Variants in SLC39A9 observed in about 807,000 individuals in gnomAD.
SLC39A9 encodes solute carrier family 39 member 9, also known as zinc transporter ZIP9.
A neutral mutation model predicts 28.4 loss-of-function variants in SLC39A9; 14 were observed. That is an observed-to-expected ratio of 0.49 (90% CI 0.33 to 0.77). SLC39A9 has a LOEUF of 0.77. SLC39A9 is among the 30% of genes least tolerant of loss of function. SLC39A9 has a pLI of 0.02. For synonymous variants in SLC39A9, 119 were observed against 149.6 expected (o/e 0.80, Z 1.49); for missense variants, 283 against 381.1 (o/e 0.74, Z 2.14).
intron 1 of SLC39A9, among the ~76,000 whole-genome samples, chr14:69,420,880 G>A (rs1037007368): frequency 9.2e-5 from 14 of 152,114 alleles, no homozygotes; most frequent in African/African-American, 2.7e-4. Flanking sequence ...GTTTATTCTC[G>A]TTAGCCATGC....
chr14:69,440,359 G>A (rs1467193682), intron 2 of SLC39A9, among the ~76,000 whole-genome samples: 17 of 152,050 alleles, frequency 1.1e-4, no homozygotes, highest in Admixed American at 8.5e-4. Context: ...CAAGGTGGGC[G>A]GATCACTTGA....
intron 1 of SLC39A9, among the ~76,000 whole-genome samples, chr14:69,406,851 T>TG (rs1882940850): frequency 7.4e-6 from 1 of 134,382 alleles, no homozygotes; most frequent in African/African-American, 2.8e-5. Flanking sequence ...ATTCTTTGTT[T>TG]TTTTTTTTTT....
intron 1 of SLC39A9, among the ~76,000 whole-genome samples, chr14:69,421,157 G>T (rs1235506559): frequency 2.0e-5 from 3 of 152,190 alleles, no homozygotes; most frequent in Non-Finnish European, 4.4e-5. Flanking sequence ...TTTGATGATG[G>T]TCACCTACAG....
At chr14:69,440,873 C>T (rs1420118080) in intron 2 of SLC39A9, among the ~76,000 whole-genome samples, 2 of 152,140 alleles carry the variant, frequency 1.3e-5, no homozygotes, top group Non-Finnish European at 2.9e-5. Context: ...GGGGATTCAC[C>T]ATGTTGGCCT....
intron 1 of SLC39A9, among the ~76,000 whole-genome samples, chr14:69,413,616 A>G (rs1464955314): frequency 6.6e-6 from 1 of 152,114 alleles, no homozygotes; most frequent in African/African-American, 2.4e-5. Flanking sequence ...CTGTCAATAG[A>G]GAAGAATTAC....
chr14:69,430,628 C>CTTTTTTTTTTTTTTTTTTTTTTTTT, intron 2 of SLC39A9, among the ~76,000 whole-genome samples: 1 of 137,746 alleles, frequency 7.3e-6, no homozygotes, highest in Non-Finnish European at 1.5e-5. Context: ...ATTTTTCTTT[C>CTTTTTTTTTTTTTTTTTTTTTTTTT]TTTTTTTTTT....
intron 2 of SLC39A9, among the ~76,000 whole-genome samples, chr14:69,432,775 A>G (rs1011879417): frequency 6.6e-6 from 1 of 152,150 alleles, no homozygotes. Context: ...TGGTTAGCCA[A>G]CTATCCCAGC....
chr14:69,416,213 C>A (rs573567758), intron 1 of SLC39A9, among the ~76,000 whole-genome samples: 1 of 152,102 alleles, frequency 6.6e-6, no homozygotes, highest in Non-Finnish European at 1.5e-5. Context: ...TGAGTGAGAA[C>A]ATGCTGTGTT....
Position 69,459,598 on chromosome 14 carries a change from C to A in SLC39A9, c.*1005C>A. On this transcript the variant is annotated 3_prime_UTR_variant, in exon 7 of 7. Transcript: ENST00000336643. ...TTATTTCTCTTAGCAGATCAGCAAT[C>A]CCTCTAGGGACCTAAATACTAGGTC... 1.0e-6 allele frequency: 1 copy of A among 968,860 alleles called. No individual in the cohort carries two copies. The highest frequency in any genetic ancestry group is 1.2e-6 in the Non-Finnish European group (1 of 816,980). 60.0% of individuals were successfully genotyped at this position (968,860 alleles called of 1,614,324 possible).
rs1457153514 is a variant in SLC39A9, at chr14:69,460,463, G to C, written c.*1870G>C. The C allele has an allele frequency of 4.1e-6, 4 of 985,372 alleles. No individual in the cohort carries two copies. Among genetic ancestry groups the C allele is most frequent in the South Asian group, 4.7e-5 (1 of 21,294 alleles). 61.0% of individuals were successfully genotyped at this position (985,372 alleles called of 1,614,324 possible). A position where few individuals can be genotyped will look rare whatever the true frequency, so the allele number is the denominator to read the frequency against. ...TTAACAGCTGACTGGTGTGAGACTT[G>C]AGGTTTCATCTAGTCCTTCAAAACT... On this transcript the variant is annotated 3_prime_UTR_variant, in exon 7 of 7. Coordinates refer to ENST00000336643, the MANE Select transcript of SLC39A9 (RefSeq NM_018375.5).
chr14:69,446,884 A>AG (rs1414044442), intron 3 of SLC39A9, among the ~76,000 whole-genome samples: 2 of 148,546 alleles, frequency 1.3e-5, no homozygotes, highest in East Asian at 2.0e-4. Flanking sequence ...AAAAAAAAAA[A>AG]AAAAAGAAAA....
chr14:69,444,978 A>G (rs796921549), intron 3 of SLC39A9, among the ~76,000 whole-genome samples: 19 of 152,270 alleles, frequency 1.2e-4, no homozygotes, highest in African/African-American at 3.8e-4. Flanking sequence ...TCTAAAAAAA[A>G]TAATAATAAA....
chr14:69,441,664 A>G (rs951374772), intron 2 of SLC39A9, among the ~76,000 whole-genome samples: 5 of 152,220 alleles, frequency 3.3e-5, no homozygotes, highest in African/African-American at 1.2e-4. Flanking sequence ...ATTTGATTGC[A>G]ATTATTTTCA....
intron 2 of SLC39A9, among the ~76,000 whole-genome samples, chr14:69,426,012 G>A (rs114523285): frequency 2.0e-3 from 301 of 152,244 alleles, no homozygotes; most frequent in African/African-American, 6.8e-3. Flanking sequence ...TAGGTTGTGT[G>A]TAGAGAAAAA....
intron 1 of SLC39A9, among the ~76,000 whole-genome samples, chr14:69,400,918 A>G (rs925700190): frequency 2.0e-5 from 3 of 151,668 alleles, no homozygotes; most frequent in African/African-American, 7.3e-5. Flanking sequence ...ACTCAAGAGG[A>G]TAAGGTAGGA....
At chr14:69,439,021 A>C (rs753485550) in intron 2 of SLC39A9, among the ~76,000 whole-genome samples, 14 of 152,262 alleles carry the variant, frequency 9.2e-5, no homozygotes, top group Non-Finnish European at 1.3e-4. Context: ...AGATGATCTT[A>C]TGCATAGAAA....
chr14:69,431,183 A>G (rs747190947), intron 2 of SLC39A9, among the ~76,000 whole-genome samples: 18 of 152,298 alleles, frequency 1.2e-4, no homozygotes, highest in East Asian at 3.9e-4. Context: ...ACAGATCTGC[A>G]GATAGTTTAT....
intron 2 of SLC39A9, chr14:69,429,143 A>G (rs543025407): frequency 1.8e-4 from 28 of 152,356 alleles, no homozygotes; most frequent in African/African-American, 6.5e-4. Flanking sequence ...AAAAGACTGC[A>G]TTGACATGGT....
chr14:69,431,112 G>A (rs891408191), intron 2 of SLC39A9, among the ~76,000 whole-genome samples: 1 of 152,048 alleles, frequency 6.6e-6, no homozygotes, highest in Non-Finnish European at 1.5e-5. Flanking sequence ...TGAGCCCAGT[G>A]TATCTCTCCA....
Sources: gnomAD v4.1 joint callset for allele counts (sites outside exome capture counted in the v4.1 genomes callset) on GRCh38, gnomAD v4.1.1 for gene constraint, MANE v1.5 for transcripts, NCBI Gene and HGNC (gene_info 2026-07-23, HGNC 2026-07-21) for gene names.